STX11: variants seen among roughly 807,000 people sequenced by gnomAD.
STX11 encodes the protein syntaxin-11.
In STX11, 21 loss-of-function variants were observed where a neutral mutation model predicts 19.9. The ratio of observed to expected loss-of-function variants is 1.06; its 90% confidence interval spans 0.75 to 1.52. The LOEUF is 1.52. Among genes scored for constraint, STX11 ranks in the 40% most tolerant of loss-of-function variants. The pLI is 0.00. For missense variants in STX11, 438 were observed against 405.9 expected (o/e 1.08, Z -0.68); for synonymous variants, 193 against 174.4 (o/e 1.11, Z -0.84).
chr6:144,164,089 TACTC>T (rs1801415780), intron 1 of STX11, among the ~76,000 whole-genome samples: 1 of 152,208 alleles, frequency 6.6e-6, no homozygotes, highest in Non-Finnish European at 1.5e-5. Flanking sequence ...GGCACATAAA[TACTC>T]AATAAATACT....
Position 144,170,409 on chromosome 6 carries a change from G to A in STX11, c.-5-16214G>A, listed in dbSNP as rs1162953710. 2.0e-5 allele frequency among the ~76,000 whole-genome samples: 3 copies of A among 152,206 alleles called. No homozygotes were observed. The highest frequency in any genetic ancestry group is 4.1e-4 in the South Asian group (2 of 4,834). On this transcript the variant is annotated intron_variant, in intron 1 of 1. Transcript: ENST00000367568. The surrounding 1 kb of genome is among the most constrained non-coding windows in gnomAD (Gnocchi z 4.7). ...AAAAGATGTATTGCAGCTGAAGGGG[G>A]ATGGGAGGGTCTTTTTTGCCTTGGG...
At chr6:144,149,284 T>C (rs140188662), upstream of STX11, among the ~76,000 whole-genome samples, 1 of 152,232 alleles carries the variant, frequency 6.6e-6, no homozygotes, top group Non-Finnish European at 1.5e-5. This position sits in a 1 kb window ranked among gnomAD's most constrained non-coding sequence, Gnocchi z 5.1. Flanking sequence ...GCCTTTTATT[T>C]ATTTATTCAA....
chr6:144,143,798 T>C, the STX11 span, among the ~76,000 whole-genome samples: 16 of 152,184 alleles, frequency 1.1e-4, no homozygotes, highest in African/African-American at 3.9e-4. Context: ...ATCTAGAATT[T>C]ATTTTCTCTC....
rs1403470180 is a variant in STX11 at position 144,170,976 on chromosome 6, C to T, written c.-5-15647C>T. Among the ~76,000 whole-genome samples the T allele has an allele frequency of 6.6e-6, 1 of 152,102 alleles. No individual in the cohort carries two copies. The highest frequency in any genetic ancestry group is 1.9e-4 in the East Asian group (1 of 5,200). On this transcript the variant is annotated intron_variant, in intron 1 of 1. Coordinates refer to ENST00000367568, the MANE Select transcript of STX11 (RefSeq NM_003764.4). This position sits in a 1 kb window ranked among gnomAD's most constrained non-coding sequence, Gnocchi z 4.7. ...GGTAATTATTTATACATGGAGAAGACCAGGTATAGAGAAGATGGCCTACAA... is the reference window on the plus strand; with the variant it reads ...GGTAATTATTTATACATGGAGAAGATCAGGTATAGAGAAGATGGCCTACAA...
rs1252051235 is a variant in STX11 at position 144,190,358 on chromosome 6, A to G, written c.*2867A>G. 1.3e-5 allele frequency among the ~76,000 whole-genome samples: 2 copies of G among 152,222 alleles called. No individual in the cohort carries two copies. The highest frequency in any genetic ancestry group is 4.8e-5 in the African/African-American group (2 of 41,466). On this transcript the variant is annotated 3_prime_UTR_variant, in exon 2 of 2. Coordinates refer to ENST00000367568, the MANE Select transcript of STX11 (RefSeq NM_003764.4). Reference sequence around the variant, plus strand: ...AGCTGTTGTGAAAAGTGATGACTGAATATGTAAAAGCACCTAGAACAGTGC... The same window carrying G: ...AGCTGTTGTGAAAAGTGATGACTGAGTATGTAAAAGCACCTAGAACAGTGC...
chr6:144,190,383 C>G lies in STX11; in HGVS notation c.*2892C>G, dbSNP rs1188547103. Among the ~76,000 whole-genome samples, 1 of 152,164 alleles carries G rather than the reference C, an allele frequency of 6.6e-6. No homozygotes were observed. Among genetic ancestry groups the G allele is most frequent in the Non-Finnish European group, 1.5e-5 (1 of 68,032 alleles). On this transcript the variant is annotated 3_prime_UTR_variant, in exon 2 of 2. Transcript: ENST00000367568. The stretch of plus-strand genomic sequence containing the variant: ...ATATGTAAAAGCACCTAGAACAGTG[C>G]CTGGCACATGCTAAGTGCTTTGTTC...
the STX11 span, among the ~76,000 whole-genome samples, chr6:144,140,245 TATATATATA>T: frequency 5.0e-4 from 25 of 49,966 alleles, no homozygotes; most frequent in Non-Finnish European, 6.3e-4. Context: ...TATATATATA[TATATATATA>T]TTTATTTATT....
At chr6:144,156,461 GT>G (rs1387503756) in intron 1 of STX11, among the ~76,000 whole-genome samples, 1 of 152,022 alleles carries the variant, frequency 6.6e-6, no homozygotes. Context: ...TGTTTTACTT[GT>G]TTCCCTGTTC....
At position 144,187,623 on chromosome 6, in the gene STX11, C is replaced by T. The variant is rs954452150; in HGVS notation, c.*132C>T. 6.4e-6 allele frequency: 8 copies of T among 1,254,540 alleles called. No individual in the cohort carries two copies. In the Admixed American group the frequency reaches 7.0e-5, roughly 11 times the overall value. The allele number at this position is 1,254,540 out of a possible 1,614,324, so 77.7% of individuals were successfully genotyped here. A position where few individuals can be genotyped will look rare whatever the true frequency, so the allele number is the denominator to read the frequency against. ...CGGAACTCAGTCTTTAGAAAAGAAA[C>T]GCCAGGTTCAAGAATTGCAAACCAG... is the stretch of plus-strand genomic sequence containing the variant. On this transcript the variant is annotated 3_prime_UTR_variant, in exon 2 of 2. Coordinates refer to ENST00000367568, the MANE Select transcript of STX11 (RefSeq NM_003764.4). The surrounding 1 kb of genome is among the most constrained non-coding windows in gnomAD (Gnocchi z 5.6).
chr6:144,190,123 A>T lies in STX11; in HGVS notation c.*2632A>T, dbSNP rs1023378908. Among the ~76,000 whole-genome samples the T allele has an allele frequency of 6.6e-6, 1 of 152,248 alleles. No homozygotes were observed. The highest frequency in any genetic ancestry group is 2.4e-5 in the African/African-American group (1 of 41,466). ...ATTACTGCACCAAAAGAATGAGTGA[A>T]CTGTTACCTATAGGGAAAGAACACT... is the stretch of plus-strand genomic sequence containing the variant. On this transcript the variant is annotated 3_prime_UTR_variant, in exon 2 of 2. Coordinates refer to ENST00000367568, the MANE Select transcript of STX11 (RefSeq NM_003764.4).
intron 1 of STX11, among the ~76,000 whole-genome samples, chr6:144,163,377 A>G (rs1008573589): frequency 6.6e-6 from 1 of 152,100 alleles, no homozygotes; most frequent in Admixed American, 6.5e-5. Flanking sequence ...GTTTGAGACT[A>G]TCTTAGGCAG....
At position 144,180,400 on chromosome 6, in the gene STX11, A is replaced by G. The variant is rs1801881344; in HGVS notation, c.-5-6223A>G. On this transcript the variant is annotated intron_variant, in intron 1 of 1. Coordinates refer to ENST00000367568, the MANE Select transcript of STX11 (RefSeq NM_003764.4). The surrounding 1 kb of genome is among the most constrained non-coding windows in gnomAD (Gnocchi z 5.3). ...GTGTCCCCACCAAATCTCAACTTGA[A>G]TTGTATCTCCCAGAATTCCCATGTG... Among the ~76,000 whole-genome samples the G allele has an allele frequency of 6.6e-6, 1 of 152,196 alleles. No homozygotes were observed. Among genetic ancestry groups the G allele is most frequent in the Non-Finnish European group, 1.5e-5 (1 of 68,032 alleles).
At chr6:144,140,919 C>T in the STX11 span, 1 of 492,182 alleles carries the variant, frequency 2.0e-6, no homozygotes. Flanking sequence ...GAAAATTACA[C>T]TTGTTGAAAA....
At chr6:144,179,258 C>A (rs1474433219) in intron 1 of STX11, among the ~76,000 whole-genome samples, 1 of 152,176 alleles carries the variant, frequency 6.6e-6, no homozygotes, top group Non-Finnish European at 1.5e-5. Flanking sequence ...CAGTTATCTC[C>A]CACCGGATCC....
rs889534837 is a variant in STX11 at position 144,153,928 on chromosome 6, A to G, written c.-6+3225A>G. 6.6e-6 allele frequency among the ~76,000 whole-genome samples: 1 copy of G among 152,244 alleles called. No individual in the cohort carries two copies. Among genetic ancestry groups the G allele is most frequent in the East Asian group, 1.9e-4 (1 of 5,204 alleles). ...GAGGAGCTCACACAGTACTTGGCAC[A>G]TAATCAGTGCTCATTAAGATTTTTC... On this transcript the variant is annotated intron_variant, in intron 1 of 1. Coordinates refer to ENST00000367568, the MANE Select transcript of STX11 (RefSeq NM_003764.4). This position sits in a 1 kb window ranked among gnomAD's most constrained non-coding sequence, Gnocchi z 5.0.
At chr6:144,140,785 A>G in the STX11 span, 1 of 985,380 alleles carries the variant, frequency 1.0e-6, no homozygotes, top group South Asian at 4.7e-5. Context: ...GGAAGAAGAG[A>G]AGAAAGCCAG....
chr6:144,142,667 C>A, the STX11 span, among the ~76,000 whole-genome samples: 2 of 151,946 alleles, frequency 1.3e-5, no homozygotes, highest in Non-Finnish European at 2.9e-5. Flanking sequence ...CAGACATAGG[C>A]AAATTTCACA....
rs1801604841 is a variant in STX11 at position 144,170,658 on chromosome 6, A to G, written c.-5-15965A>G. Among the ~76,000 whole-genome samples the G allele has an allele frequency of 6.6e-6, 1 of 152,242 alleles. No individual in the cohort carries two copies. The highest frequency in any genetic ancestry group is 6.5e-5 in the Admixed American group (1 of 15,282). On this transcript the variant is annotated intron_variant, in intron 1 of 1. Coordinates refer to ENST00000367568, the MANE Select transcript of STX11 (RefSeq NM_003764.4). The surrounding 1 kb of genome is among the most constrained non-coding windows in gnomAD (Gnocchi z 4.7). ...CATAATCAGAAGGAGATATTTTACA[A>G]TAAAATAGTTGGAAGAAAGATATTT...
At chr6:144,145,044 G>A in the STX11 span, among the ~76,000 whole-genome samples, 1 of 144,784 alleles carries the variant, frequency 6.9e-6, no homozygotes, top group Non-Finnish European at 1.6e-5. Context: ...TTCATTTCTG[G>A]GTATATACCC....
Sources: gnomAD v4.1 joint callset for allele counts (sites outside exome capture counted in the v4.1 genomes callset) on GRCh38, gnomAD v4.1.1 for gene constraint, Gnocchi (gnomAD v3.1) non-coding constraint, MANE v1.5 for transcripts, NCBI Gene and HGNC (gene_info 2026-07-23, HGNC 2026-07-21) for gene names.